COL22A1: variants seen among roughly 807,000 people sequenced by gnomAD.
COL22A1 encodes collagen type XXII alpha 1 chain.
COL22A1 carries 221 observed loss-of-function variants against 248.9 expected under a neutral mutation model. The ratio of observed to expected loss-of-function variants is 0.89; its 90% CI spans 0.80 to 0.99. COL22A1 has a LOEUF of 0.99. Among genes scored for constraint, COL22A1 ranks in the 50% least tolerant of loss-of-function variants. COL22A1 has a pLI of 0.00. For missense variants in COL22A1, 2,240 were observed against 2,179.0 expected (o/e 1.03, Z -0.56); for synonymous variants, 891 against 793.4 (o/e 1.12, Z -2.07).
chr8:138,726,890 A>G lies in COL22A1; in HGVS notation c.2140-1450T>C, dbSNP rs148397615. 2.6e-3 allele frequency among the ~76,000 whole-genome samples: 395 copies of G among 152,272 alleles called. 1 individual carries two copies. The highest frequency in any genetic ancestry group is 9.0e-3 in the African/African-American group (372 of 41,548). On this transcript the variant is annotated intron_variant, in intron 23 of 64. Coordinates refer to ENST00000303045, the MANE Select transcript of COL22A1 (RefSeq NM_152888.3). ...TCTTGGAAGTAACTGAAGGAGCACA[A>G]GAAGACGTGTATGGTCACACGTGTG...
At position 138,591,503 on chromosome 8, in the gene COL22A1, T is replaced by C. The variant is rs766549651; in HGVS notation, c.4616-2A>G. ...GGTCACCTTTGGCTCCTCGCTCACC[T>C]GGGAAGAAAAACATGCACTTTTGAT... On this transcript the variant is annotated splice_acceptor_variant, in intron 63 of 64. Coordinates refer to ENST00000303045, the MANE Select transcript of COL22A1 (RefSeq NM_152888.3). LOFTEE classifies it high-confidence loss of function. 2.6e-6 allele frequency: 4 copies of C among 1,537,448 alleles called. No individual in the cohort carries two copies. The highest frequency in any genetic ancestry group is 3.5e-6 in the Non-Finnish European group (4 of 1,139,172).
At chr8:138,673,290 A>C (rs369457603) in intron 41 of COL22A1, among the ~76,000 whole-genome samples, 72 of 151,428 alleles carry the variant, frequency 4.8e-4, no homozygotes, top group African/African-American at 1.7e-3. Flanking sequence ...GCTCACTGCA[A>C]TCTCCACCTC....
At position 138,725,397 on chromosome 8, in the gene COL22A1, C is replaced by A; in HGVS notation, c.2183G>T (p.Gly728Val). 6.2e-7 allele frequency: 1 copy of A among 1,614,162 alleles called. No homozygotes were observed. The highest frequency in any genetic ancestry group is 1.1e-5 in the South Asian group (1 of 91,078). ...CAAAGCCAGTCTTACCGGAGAACCT[C>A]CCGGTCCAGGGGGGCCTGGGACACC... ...PPGVPGPPGP[G>V]GSPGLPGEIG... Residue 728 changes from glycine (G) to valine (V), a missense_variant, in exon 24 of 65, where the codon GGA (glycine) becomes GTA (valine). By Grantham distance (109) the Gly-to-Val change is moderately radical (BLOSUM62 -3). Transcript: ENST00000303045.
chr8:138,589,464 A>G, intron 64 of COL22A1, 24 bp from the exon 65 acceptor site: 1 of 1,487,120 alleles, frequency 6.7e-7, no homozygotes, highest in East Asian at 2.5e-5. Context: ...CAAAAGAAAC[A>G]GAAGGTGGTT....
At chr8:138,805,363 G>A (rs1255123117) in intron 10 of COL22A1, among the ~76,000 whole-genome samples, 1 of 77,866 alleles carries the variant, frequency 1.3e-5, no homozygotes, top group African/African-American at 9.5e-5. Flanking sequence ...GTGATGGTGT[G>A]CATGGGTGTG....
At chr8:138,698,548 T>A (rs977477890) in intron 32 of COL22A1, among the ~76,000 whole-genome samples, 1 of 152,130 alleles carries the variant, frequency 6.6e-6, no homozygotes, top group Non-Finnish European at 1.5e-5. Context: ...GAAGACAGGG[T>A]GGCAGAAAGG....
At chr8:138,858,451 G>T (rs1359160241) in intron 3 of COL22A1, among the ~76,000 whole-genome samples, 5 of 152,190 alleles carry the variant, frequency 3.3e-5, no homozygotes, top group Admixed American at 1.3e-4. Context: ...TGCAATCACA[G>T]CTCACTGCAG....
chr8:138,658,429 G>A (rs1235448457), intron 44 of COL22A1, among the ~76,000 whole-genome samples: 1 of 152,200 alleles, frequency 6.6e-6, no homozygotes, highest in Non-Finnish European at 1.5e-5. Flanking sequence ...CAGAGAGGAT[G>A]AAGATCAGCC....
chr8:138,692,322 G>A (rs1020343891), intron 35 of COL22A1, among the ~76,000 whole-genome samples: 16 of 34,800 alleles, frequency 4.6e-4, no homozygotes, highest in Admixed American at 4.1e-3. Context: ...GTGTGCATGC[G>A]TGTGCATGTT....
chr8:138,653,033 C>T lies in COL22A1; in HGVS notation c.3333+2864G>A, dbSNP rs4075683. Among the ~76,000 whole-genome samples, 345 of 152,202 alleles carry T rather than the reference C, an allele frequency of 2.3e-3. 2 individuals are homozygous for T. Among genetic ancestry groups the T allele is most frequent in the African/African-American group, 7.9e-3 (328 of 41,536 alleles). ...AAGTGCTGGGATTACAGGCATGAGC[C>T]ATCGCACCCCGCCGGTCTGAACTAT... On this transcript the variant is annotated intron_variant, in intron 45 of 64. Transcript: ENST00000303045.
At chr8:138,808,037 C>T (rs1044149789) in intron 9 of COL22A1, among the ~76,000 whole-genome samples, 2 of 152,114 alleles carry the variant, frequency 1.3e-5, no homozygotes, top group Non-Finnish European at 2.9e-5. Context: ...GTGCAGCTAC[C>T]GGTGGACACA....
rs74707124 is a variant in COL22A1 at position 138,891,933 on chromosome 8, G to A, written c.-72-8689C>T. On this transcript the variant is annotated intron_variant, in intron 1 of 64. Coordinates refer to ENST00000303045, the MANE Select transcript of COL22A1 (RefSeq NM_152888.3). ...GCTTTCTTTATCCTGTTGATGTGATGAATAACATTAATTGATTTTCAGATG... is the reference window on the plus strand; with the variant it reads ...GCTTTCTTTATCCTGTTGATGTGATAAATAACATTAATTGATTTTCAGATG... Among the ~76,000 whole-genome samples the A allele has an allele frequency of 2.7e-3, 414 of 152,348 alleles. 2 individuals carry two copies. The highest frequency in any genetic ancestry group is 9.5e-3 in the African/African-American group (396 of 41,586).
chr8:138,698,134 T>A (rs1324808167), intron 32 of COL22A1, among the ~76,000 whole-genome samples: 5 of 151,970 alleles, frequency 3.3e-5, no homozygotes, highest in Non-Finnish European at 2.9e-5. Flanking sequence ...GGGCTCAGGG[T>A]GGACCTGAGG....
At chr8:138,702,403 G>A (rs537984964) in intron 31 of COL22A1, among the ~76,000 whole-genome samples, 18 of 152,290 alleles carry the variant, frequency 1.2e-4, no homozygotes, top group African/African-American at 4.1e-4. Context: ...GTGATGAAAA[G>A]CACAGAGTAA....
intron 1 of COL22A1, among the ~76,000 whole-genome samples, chr8:138,890,977 C>T (rs1711616750): frequency 2.0e-5 from 3 of 151,792 alleles, no homozygotes; most frequent in African/African-American, 7.3e-5. Flanking sequence ...GAGCTGAGAT[C>T]GTTCCACCAT....
chr8:138,716,682 A>G (rs1829458095), intron 28 of COL22A1, 143 bp downstream of exon 28: 11 of 669,334 alleles, frequency 1.6e-5, no homozygotes, highest in Non-Finnish European at 2.9e-5. Context: ...TTGTTCTTCA[A>G]TGTCCAGTTT....
intron 4 of COL22A1, among the ~76,000 whole-genome samples, chr8:138,839,372 G>A (rs915597562): frequency 3.9e-5 from 6 of 152,126 alleles, no homozygotes; most frequent in South Asian, 2.1e-4. Flanking sequence ...CGGCTCCATC[G>A]GCGAGTTTGG....
chr8:138,783,296 T>A (rs1815202192), intron 12 of COL22A1, among the ~76,000 whole-genome samples: 2 of 151,902 alleles, frequency 1.3e-5, no homozygotes, highest in Admixed American at 1.3e-4. Flanking sequence ...CAAATATATA[T>A]ATATTTTTTT....
intron 60 of COL22A1, among the ~76,000 whole-genome samples, chr8:138,601,724 C>A (rs543755863): frequency 1.3e-5 from 2 of 152,294 alleles, no homozygotes; most frequent in South Asian, 4.1e-4. Flanking sequence ...TCACCTCCAG[C>A]GACAAATTTG....
Sources: gnomAD v4.1 joint callset for allele counts (sites outside exome capture counted in the v4.1 genomes callset) on GRCh38, gnomAD v4.1.1 for gene constraint, MANE v1.5 for transcripts, NCBI Gene and HGNC (gene_info 2026-07-23, HGNC 2026-07-21) for gene names.